RASGRF1: variants seen among roughly 807,000 people sequenced by gnomAD.
The protein encoded by RASGRF1 is Ras protein specific guanine nucleotide releasing factor 1, also known as ras-specific guanine nucleotide-releasing factor 1.
RASGRF1 carries 40 observed loss-of-function variants against 138.7 expected under a neutral mutation model. That is an observed-to-expected ratio of 0.29 (90% CI 0.22 to 0.38). RASGRF1 has a LOEUF of 0.38. RASGRF1 is among the 10% of genes least tolerant of loss of function. The pLI is 1.00. For synonymous variants in RASGRF1, 614 were observed against 663.2 expected, an observed-to-expected ratio of 0.93 and a Z score of 1.14; for missense variants, 1,108 against 1,650.4, an observed-to-expected ratio of 0.67 and a Z score of 5.69.
Position 79,017,903 on chromosome 15 carries a change from T to C in RASGRF1, c.1610A>G (p.Lys537Arg). Residue 537 changes from lysine (K) to arginine (R), a missense_variant, in exon 12 of 27, where the codon AAA becomes AGA. Coordinates refer to ENST00000558480, the MANE Select transcript of RASGRF1 (RefSeq NM_001145648.3). Reference protein sequence around the residue: ...EEPESTEEEAKGSGQDIDHLD... With the variant: ...EEPESTEEEARGSGQDIDHLD... ...GTGATCTATGTCTTGGCCGGATCCTTTGGCTTCCAGTTGTAAAACATAAAG... is the reference window on the plus strand; with the variant it reads ...GTGATCTATGTCTTGGCCGGATCCTCTGGCTTCCAGTTGTAAAACATAAAG... 6.2e-7 allele frequency: 1 copy of C among 1,611,876 alleles called. No individual in the cohort carries two copies. Among genetic ancestry groups the C allele is most frequent in the Non-Finnish European group, 8.5e-7 (1 of 1,179,394 alleles).
chr15:79,015,886 C>G (rs1450394311), intron 12 of RASGRF1, among the ~76,000 whole-genome samples: 1 of 152,210 alleles, frequency 6.6e-6, no homozygotes, highest in African/African-American at 2.4e-5. Flanking sequence ...CTGACCACCA[C>G]AGTGCCAACA....
chr15:78,999,628 C>T, intron 17 of RASGRF1, 115 bp downstream of exon 17: 3 of 1,324,568 alleles, frequency 2.3e-6, no homozygotes, highest in Non-Finnish European at 3.1e-6. Flanking sequence ...CTGTGCCATC[C>T]TTAGCACACC....
rs138705998 is a variant in RASGRF1 at position 79,038,404 on chromosome 15, G to A, written c.879-3194C>T. 4.6e-5 allele frequency among the ~76,000 whole-genome samples: 7 copies of A among 152,104 alleles called. No homozygotes were observed. The East Asian group carries it at 1.4e-3, about 29-fold the overall frequency. ...TAGTTGATGAAGCCTCCATTTCTAA[G>A]GTTAAATTTAAAGAATTTCACTTGT... is the stretch of plus-strand genomic sequence containing the variant. On this transcript the variant is annotated intron_variant, in intron 5 of 26. Coordinates refer to ENST00000558480, the MANE Select transcript of RASGRF1 (RefSeq NM_001145648.3).
At chr15:78,980,971 C>T in intron 23 of RASGRF1, 1 of 317,268 alleles carries the variant, frequency 3.2e-6, no homozygotes, top group Non-Finnish European at 5.8e-6. Context: ...CTTGGAAATG[C>T]TGCAGGATCC....
chr15:79,072,268 T>C (rs796272316), intron 1 of RASGRF1, among the ~76,000 whole-genome samples: 24 of 26,768 alleles, frequency 9.0e-4, no homozygotes, highest in African/African-American at 5.9e-3. Context: ...ATAAACAATC[T>C]TTTTTTTTTT....
At chr15:79,085,052 T>C (rs955566667) in intron 1 of RASGRF1, among the ~76,000 whole-genome samples, 1 of 152,144 alleles carries the variant, frequency 6.6e-6, no homozygotes, top group African/African-American at 2.4e-5. Flanking sequence ...TGCCTCCTGC[T>C]CTCCTGGTGC....
intron 12 of RASGRF1, among the ~76,000 whole-genome samples, chr15:79,017,334 C>T (rs904047196): frequency 7.2e-5 from 11 of 152,168 alleles, no homozygotes; most frequent in South Asian, 2.1e-4. Context: ...TCAGGGACAC[C>T]GTTCTCTCGC....
intron 1 of RASGRF1, among the ~76,000 whole-genome samples, chr15:79,070,835 TA>T (rs2057745880): frequency 6.6e-6 from 1 of 152,050 alleles, no homozygotes; most frequent in Admixed American, 6.6e-5. Flanking sequence ...GGGCTTGGGG[TA>T]AAAATATGAT....
At chr15:79,074,563 T>C (rs1207783246) in intron 1 of RASGRF1, among the ~76,000 whole-genome samples, 1 of 152,166 alleles carries the variant, frequency 6.6e-6, no homozygotes, top group Non-Finnish European at 1.5e-5. Context: ...GAAGGTGCCA[T>C]GGGCTGTGTA....
At chr15:79,037,143 T>A (rs1464044024) in intron 5 of RASGRF1, among the ~76,000 whole-genome samples, 2 of 152,136 alleles carry the variant, frequency 1.3e-5, no homozygotes, top group Admixed American at 1.3e-4. Context: ...TTAAGAATTT[T>A]GGGAGTCCAC....
At chr15:78,978,217 T>TTTCTTTTC (rs1567435479) in intron 24 of RASGRF1, among the ~76,000 whole-genome samples, 8 of 63,190 alleles carry the variant, frequency 1.3e-4, no homozygotes, top group South Asian at 6.5e-4. Flanking sequence ...TTTCTTTTCT[T>TTTCTTTTC]TTGTTTTTTT....
chr15:79,075,227 C>A (rs1305910030), intron 1 of RASGRF1, among the ~76,000 whole-genome samples: 1 of 152,220 alleles, frequency 6.6e-6, no homozygotes, highest in African/African-American at 2.4e-5. Flanking sequence ...ACTATACCTG[C>A]GACCTACCAG....
At chr15:79,084,196 A>G (rs904797173) in intron 1 of RASGRF1, among the ~76,000 whole-genome samples, 17 of 152,238 alleles carry the variant, frequency 1.1e-4, no homozygotes, top group Admixed American at 1.0e-3. Flanking sequence ...GGATTTGTCT[A>G]TAGTGACCCA....
At chr15:79,069,971 A>G (rs2057733030) in intron 1 of RASGRF1, among the ~76,000 whole-genome samples, 2 of 152,188 alleles carry the variant, frequency 1.3e-5, no homozygotes, top group Admixed American at 6.5e-5. Context: ...ACCCAAATGG[A>G]AGTTTCCCTG....
intron 13 of RASGRF1, among the ~76,000 whole-genome samples, chr15:79,013,971 C>A (rs1401296140): frequency 6.6e-6 from 1 of 152,174 alleles, no homozygotes; most frequent in Non-Finnish European, 1.5e-5. Context: ...CATAAAGTTT[C>A]ATTCCTAATG....
intron 10 of RASGRF1, 115 bp downstream of exon 10, chr15:79,025,199 T>A: frequency 8.2e-7 from 1 of 1,214,734 alleles, no homozygotes; most frequent in East Asian, 2.5e-5. Flanking sequence ...TGTGTGTGCA[T>A]GCACACGTCT....
chr15:79,079,576 T>G (rs576952845), intron 1 of RASGRF1, among the ~76,000 whole-genome samples: 1 of 152,160 alleles, frequency 6.6e-6, no homozygotes, highest in Non-Finnish European at 1.5e-5. Context: ...AAAAACATGG[T>G]GCAGACTGTG....
At position 79,090,143 on chromosome 15, in the gene RASGRF1, G is replaced by A. The variant is rs1348686288; in HGVS notation, c.276+80C>T. On this transcript the variant is annotated intron_variant, in intron 1 of 26. Transcript: ENST00000558480. ...AGAGTAGAGGGGCCAAAGTTCAAGC[G>A]CCATCAGCCAGCCGAAGGCCCTGAG... The A allele has an allele frequency of 9.7e-6, 14 of 1,449,466 alleles. No homozygotes were observed. The East Asian group carries it at 1.2e-4, about 13-fold the overall frequency. The allele number at this position is 1,449,466 out of a possible 1,614,324, so 89.8% of individuals were successfully genotyped here.
intron 14 of RASGRF1, chr15:79,005,594 T>C: frequency 1.0e-6 from 1 of 986,460 alleles, no homozygotes. Flanking sequence ...CCCCATGACT[T>C]TTGAGAAGCA....
Sources: allele counts gnomAD v4.1 joint callset (sites outside exome capture counted in the v4.1 genomes callset), GRCh38; gene constraint gnomAD v4.1.1; transcripts MANE v1.5; gene names NCBI Gene and HGNC (gene_info 2026-07-23, HGNC 2026-07-21).